Variants in TMEM17 observed in about 807,000 individuals in gnomAD.
The protein encoded by TMEM17 is transmembrane protein 17.
A neutral mutation model predicts 19.1 loss-of-function variants in TMEM17; 15 were observed. That is an observed-to-expected ratio of 0.78 (90% CI 0.52 to 1.21). The LOEUF is 1.21. Ranked by LOEUF, TMEM17 falls within the 50% of genes most tolerant of loss-of-function variation. The pLI is 0.00. For synonymous variants in TMEM17, 103 were observed against 86.9 expected, an observed-to-expected ratio of 1.19 and a Z score of -1.03; for missense variants, 245 against 242.3, an observed-to-expected ratio of 1.01 and a Z score of -0.07.
At position 62,500,773 on chromosome 2, in the gene TMEM17, T is replaced by C. The variant is rs1410334305; in HGVS notation, c.*436A>G. On this transcript the variant is annotated 3_prime_UTR_variant, in exon 4 of 4. Transcript: ENST00000335390. ...CAGCCGGTCTCTTGGTTTACAAATATAGACAAATACATAGGAACACTGACT... is the reference window on the plus strand; with the variant it reads ...CAGCCGGTCTCTTGGTTTACAAATACAGACAAATACATAGGAACACTGACT... The C allele has an allele frequency of 6.5e-6, 1 of 154,304 alleles. No homozygotes were observed. 9.6% of individuals were successfully genotyped at this position (154,304 alleles called of 1,614,324 possible). A position where few individuals can be genotyped will look rare whatever the true frequency, so the allele number is the denominator to read the frequency against.
chr2:62,467,628 T>A, the TMEM17 span, among the ~76,000 whole-genome samples: 1 of 152,184 alleles, frequency 6.6e-6, no homozygotes, highest in Admixed American at 6.5e-5. Flanking sequence ...GTAATGACCC[T>A]GTTTGAATCC....
At chr2:62,485,581 A>G in the TMEM17 span, among the ~76,000 whole-genome samples, 3 of 152,298 alleles carry the variant, frequency 2.0e-5, no homozygotes, top group Middle Eastern at 3.4e-3. Context: ...GCTTTATACA[A>G]CAGAAGAGTG....
the TMEM17 span, chr2:62,491,078 C>CAAAAAAAAAA: frequency 2.8e-5 from 1 of 35,484 alleles, no homozygotes; most frequent in African/African-American, 9.5e-5. Flanking sequence ...GACTCCGTCT[C>CAAAAAAAAAA]AAAAAAAAAA....
chr2:62,499,718 A>C (rs1262983367), downstream of TMEM17, among the ~76,000 whole-genome samples: 2 of 152,242 alleles, frequency 1.3e-5, no homozygotes, highest in African/African-American at 4.8e-5. Flanking sequence ...GAAAATTGAA[A>C]AGAGCAGTTT....
At position 62,502,680 on chromosome 2, in the gene TMEM17, C is replaced by T. The variant is rs1679961716; in HGVS notation, c.204+11G>A. Reference sequence around the variant, plus strand: ...CGTCAGGGCAGCAAAAGTATTAAAGCTTAGATTTACCTTCATGTGAAGCAT... The same window carrying T: ...CGTCAGGGCAGCAAAAGTATTAAAGTTTAGATTTACCTTCATGTGAAGCAT... On this transcript the variant is annotated intron_variant, in intron 2 of 3. Coordinates refer to ENST00000335390, the MANE Select transcript of TMEM17 (RefSeq NM_198276.3). 1.9e-6 allele frequency: 3 copies of T among 1,577,656 alleles called. No individual in the cohort carries two copies. The highest frequency in any genetic ancestry group is 2.6e-6 in the Non-Finnish European group (3 of 1,163,494).
the TMEM17 span, among the ~76,000 whole-genome samples, chr2:62,480,257 G>GA: frequency 1.3e-5 from 2 of 151,564 alleles, no homozygotes; most frequent in African/African-American, 2.4e-5. Context: ...ATTTTTTAAT[G>GA]AAAAAAAATT....
Position 62,506,178 on chromosome 2 carries a change from G to A in TMEM17, c.-49C>T, listed in dbSNP as rs1558725556. 4 of 1,492,706 alleles carry A rather than the reference G, an allele frequency of 2.7e-6. No individual in the cohort carries two copies. Among genetic ancestry groups the A allele is most frequent in the Non-Finnish European group, 3.6e-6 (4 of 1,112,524 alleles). 92.5% of individuals were successfully genotyped at this position (1,492,706 alleles called of 1,614,324 possible). On this transcript the variant is annotated 5_prime_UTR_variant, in exon 1 of 4. Coordinates refer to ENST00000335390, the MANE Select transcript of TMEM17 (RefSeq NM_198276.3). ...CCCCTCAGACACGGGCTAGTCTGCGGGCGCTCCGAGGCTCCGTGGTTCCCA... is the reference window on the plus strand; with the variant it reads ...CCCCTCAGACACGGGCTAGTCTGCGAGCGCTCCGAGGCTCCGTGGTTCCCA...
the TMEM17 span, among the ~76,000 whole-genome samples, chr2:62,460,751 A>C: frequency 6.6e-6 from 1 of 152,236 alleles, no homozygotes; most frequent in Non-Finnish European, 1.5e-5. Context: ...TATGGGCTGC[A>C]CATGTCCCCT....
the TMEM17 span, among the ~76,000 whole-genome samples, chr2:62,469,341 G>A: frequency 2.6e-5 from 4 of 152,190 alleles, no homozygotes; most frequent in African/African-American, 4.8e-5. Context: ...CGTCACATGT[G>A]TGATCTTGGG....
In TMEM17 at chr2:62,502,204, T is replaced by G. The variant is rs72885216; in HGVS notation, c.318+233A>C. The stretch of plus-strand genomic sequence containing the variant: ...ATTCATATACTTTACATAAATCATT[T>G]CACTTAATCACAACAAACCTGTGAA... On this transcript the variant is annotated intron_variant, in intron 3 of 3. Coordinates refer to ENST00000335390, the MANE Select transcript of TMEM17 (RefSeq NM_198276.3). 7.1e-3 allele frequency: 2,144 copies of G among 299,904 alleles called. 35 individuals carry two copies. Among genetic ancestry groups the G allele is most frequent in the African/African-American group, 0.042 (1,989 of 46,948 alleles). The allele number at this position is 299,904 out of a possible 1,614,324, so 18.6% of individuals were successfully genotyped here.
In TMEM17 at chr2:62,501,349, A is replaced by G; in HGVS notation, c.457T>C (p.Phe153Leu). ...IHIIFTLFLA[F>L]QVVAAFLTLR... is the part of the protein sequence containing the mutation. ...GTAAGAAATGCTGCAACAACTTGGA[A>G]AGCAAGGAAGAGAGTGAAGATGATA... The change falls in exon 4 of 4, where the codon TTC (phenylalanine) becomes CTC (leucine). Residue 153 changes from phenylalanine to leucine, a missense_variant. Coordinates refer to ENST00000335390, the MANE Select transcript of TMEM17 (RefSeq NM_198276.3). The G allele has an allele frequency of 6.2e-7, 1 of 1,614,224 alleles. No homozygotes were observed.
At chr2:62,460,633 G>A in the TMEM17 span, among the ~76,000 whole-genome samples, 1 of 152,134 alleles carries the variant, frequency 6.6e-6, no homozygotes, top group Non-Finnish European at 1.5e-5. Flanking sequence ...TTGCTCAGAG[G>A]CTATCAGATA....
the TMEM17 span, among the ~76,000 whole-genome samples, chr2:62,468,876 G>C: frequency 3.9e-5 from 6 of 152,232 alleles, no homozygotes; most frequent in African/African-American, 1.4e-4. Context: ...GAGTTTGACA[G>C]AGCCAAGTGT....
chr2:62,471,378 A>AG, the TMEM17 span, among the ~76,000 whole-genome samples: 1 of 152,154 alleles, frequency 6.6e-6, no homozygotes, highest in Non-Finnish European at 1.5e-5. Context: ...AATATTAACA[A>AG]TAGCCAAGCC....
the TMEM17 span, among the ~76,000 whole-genome samples, chr2:62,470,657 G>C: frequency 1.3e-5 from 2 of 152,224 alleles, no homozygotes; most frequent in African/African-American, 4.8e-5. Context: ...CCTTGAAGCA[G>C]CCTGCACAAT....
the TMEM17 span, among the ~76,000 whole-genome samples, chr2:62,492,425 T>G: frequency 6.6e-6 from 1 of 152,230 alleles, no homozygotes; most frequent in Admixed American, 6.5e-5. Context: ...TGGTTGTTAT[T>G]TGCATGAGTT....
chr2:62,466,236 G>A, the TMEM17 span, among the ~76,000 whole-genome samples: 1 of 152,116 alleles, frequency 6.6e-6, no homozygotes, highest in African/African-American at 2.4e-5. Context: ...CTGCAGGGTG[G>A]TAGTGGTGGG....
In TMEM17 at chr2:62,506,122, A is replaced by G; in HGVS notation, c.8T>C (p.Leu3Pro). ME[L>P]PDPVRQRLGN... Reference sequence around the variant, plus strand: ...CAGCCGCTGGCGCACCGGATCCGGCAGCTCCATGCCTGGGCCTCAGTATCC... The same window carrying G: ...CAGCCGCTGGCGCACCGGATCCGGCGGCTCCATGCCTGGGCCTCAGTATCC... Residue 3 changes from leucine (L) to proline (P), a missense_variant, in exon 1 of 4, where the codon CTG (leucine) becomes CCG (proline). Physicochemically the swap from Leu to Pro is moderately conservative, Grantham distance 98. Coordinates refer to ENST00000335390, the MANE Select transcript of TMEM17 (RefSeq NM_198276.3). The G allele has an allele frequency of 1.2e-6, 2 of 1,609,520 alleles. No homozygotes were observed. The highest frequency in any genetic ancestry group is 1.7e-6 in the Non-Finnish European group (2 of 1,178,236).
chr2:62,456,101 T>C, the TMEM17 span, among the ~76,000 whole-genome samples: 1 of 152,200 alleles, frequency 6.6e-6, no homozygotes, highest in Admixed American at 6.5e-5. Flanking sequence ...GGTTCACTGT[T>C]TGATCCCAAG....
Sources: gnomAD v4.1 joint callset for allele counts (sites outside exome capture counted in the v4.1 genomes callset) on GRCh38, gnomAD v4.1.1 for gene constraint, MANE v1.5 for transcripts, NCBI Gene and HGNC (gene_info 2026-07-23, HGNC 2026-07-21) for gene names.